The following SERPINI1 variants were observed in gnomAD, a reference collection of about 807,000 sequenced individuals.
SERPINI1 encodes serpin family I member 1.
Under a neutral mutation model 41.1 loss-of-function variants are expected in SERPINI1, and 19 were observed. The observed-to-expected ratio is 0.46, with a 90% CI of 0.32 to 0.68. SERPINI1 has a LOEUF of 0.68. SERPINI1 is among the 30% of genes least tolerant of loss of function. The pLI, the probability that SERPINI1 is intolerant of heterozygous loss-of-function variation, is 0.03. For missense variants in SERPINI1, 460 were observed against 479.2 expected (o/e 0.96, Z 0.37); for synonymous variants, 138 against 156.6 (o/e 0.88, Z 0.89).
chr3:167,756,726 G>C (rs1379190664), intron 1 of SERPINI1, among the ~76,000 whole-genome samples: 1 of 152,054 alleles, frequency 6.6e-6, no homozygotes, highest in Non-Finnish European at 1.5e-5. Context: ...TAATGACTAT[G>C]GCAGTCATGC....
rs545501185 is a variant in SERPINI1 at position 167,803,277 on chromosome 3, A to C, written c.882-3967A>C. On this transcript the variant is annotated intron_variant, in intron 5 of 8. Transcript: ENST00000446050. The stretch of plus-strand genomic sequence containing the variant: ...TGTACCCCAAAACTTAAAGTATAAT[A>C]ATAATAAAAATAAATAAATAAATAA... 6.1e-4 allele frequency among the ~76,000 whole-genome samples: 81 copies of C among 132,684 alleles called. 2 individuals are homozygous for C. In the Middle Eastern group the frequency reaches 0.011, roughly 18 times the overall value. The allele number at this position is 132,684 out of a possible 152,430, so 87.0% of individuals were successfully genotyped here. A position where few individuals can be genotyped will look rare whatever the true frequency, so the allele number is the denominator to read the frequency against.
At chr3:167,748,082 A>G (rs991525953) in intron 1 of SERPINI1, among the ~76,000 whole-genome samples, 2 of 152,068 alleles carry the variant, frequency 1.3e-5, no homozygotes, top group Non-Finnish European at 2.9e-5. Context: ...CTTAGGAACA[A>G]AAAAGTGTGA....
At chr3:167,814,385 G>A (rs758028439) in intron 6 of SERPINI1, among the ~76,000 whole-genome samples, 3 of 152,168 alleles carry the variant, frequency 2.0e-5, no homozygotes, top group Non-Finnish European at 2.9e-5. Flanking sequence ...TATTCCTATC[G>A]TAAGAGAACT....
At chr3:167,751,891 A>G (rs2108535136) in intron 1 of SERPINI1, among the ~76,000 whole-genome samples, 1 of 152,290 alleles carries the variant, frequency 6.6e-6, no homozygotes, top group African/African-American at 2.4e-5. Context: ...ATTGTGTTGT[A>G]TGAAATTAAA....
chr3:167,772,864 C>CTA (rs1161668820), intron 1 of SERPINI1, among the ~76,000 whole-genome samples: 36 of 24,628 alleles, frequency 1.5e-3, no homozygotes, highest in African/African-American at 3.2e-3. Flanking sequence ...CTCTCTCTCT[C>CTA]TATATATATA....
intron 6 of SERPINI1, among the ~76,000 whole-genome samples, chr3:167,812,533 C>T (rs1711928422): frequency 6.6e-6 from 1 of 152,186 alleles, no homozygotes; most frequent in African/African-American, 2.4e-5. Flanking sequence ...TTCCTGATAC[C>T]TTGTGCCTTT....
At chr3:167,751,676 GTCAAC>G (rs761367331) in intron 1 of SERPINI1, among the ~76,000 whole-genome samples, 17 of 152,206 alleles carry the variant, frequency 1.1e-4, no homozygotes, top group African/African-American at 2.4e-4. Context: ...TTTTCAGGCT[GTCAAC>G]TCAACTGTCA....
intron 6 of SERPINI1, among the ~76,000 whole-genome samples, chr3:167,817,453 C>T (rs970425112): frequency 6.6e-6 from 1 of 152,026 alleles, no homozygotes; most frequent in Non-Finnish European, 1.5e-5. Flanking sequence ...GTTAAAATCA[C>T]CTAGAAAACC....
intron 6 of SERPINI1, among the ~76,000 whole-genome samples, chr3:167,811,647 T>A (rs1711891056): frequency 6.6e-6 from 1 of 151,916 alleles, no homozygotes; most frequent in Admixed American, 6.6e-5. Flanking sequence ...TCTGTAGTGT[T>A]TGGAATTTTA....
chr3:167,759,378 A>G (rs1247231435), intron 1 of SERPINI1, among the ~76,000 whole-genome samples: 1 of 139,022 alleles, frequency 7.2e-6, no homozygotes, highest in African/African-American at 2.7e-5. Context: ...AGTGTCCATC[A>G]ACATTGGATA....
In SERPINI1 at chr3:167,801,190, T is replaced by C. The variant is rs1372977181; in HGVS notation, c.882-6054T>C. ...AAGGGTATGATTGGGTTTTTAATCC[T>C]TATATGTGTTATAGTCTCCTACCTA... On this transcript the variant is annotated intron_variant, in intron 5 of 8. Transcript: ENST00000446050. Among the ~76,000 whole-genome samples, 4 of 152,226 alleles carry C rather than the reference T, an allele frequency of 2.6e-5. No homozygotes were observed. The East Asian group carries it at 7.7e-4, about 29-fold the overall frequency.
intron 6 of SERPINI1, among the ~76,000 whole-genome samples, chr3:167,809,268 A>G (rs1224629854): frequency 2.0e-5 from 3 of 152,200 alleles, no homozygotes; most frequent in Non-Finnish European, 4.4e-5. Flanking sequence ...TTCTTTAGGA[A>G]TTGAGAGAAA....
chr3:167,740,308 G>A (rs1043427496), intron 1 of SERPINI1, among the ~76,000 whole-genome samples: 1 of 152,110 alleles, frequency 6.6e-6, no homozygotes, highest in Non-Finnish European at 1.5e-5. Flanking sequence ...TGGGATTACA[G>A]GTGTGAACCA....
intron 6 of SERPINI1, among the ~76,000 whole-genome samples, chr3:167,808,281 T>TTC (rs386398488): frequency 7.1e-6 from 1 of 140,454 alleles, no homozygotes; most frequent in Admixed American, 6.9e-5. Context: ...CCCTATTTTT[T>TTC]TCAGAGTAAA....
At chr3:167,789,745 T>C (rs1299105239) in intron 2 of SERPINI1, among the ~76,000 whole-genome samples, 1 of 152,198 alleles carries the variant, frequency 6.6e-6, no homozygotes, top group Admixed American at 6.5e-5. Context: ...CATGGTTTGC[T>C]AAGAATATCA....
intron 1 of SERPINI1, among the ~76,000 whole-genome samples, chr3:167,744,153 T>C (rs1395632543): frequency 2.0e-5 from 3 of 152,086 alleles, no homozygotes; most frequent in Non-Finnish European, 4.4e-5. Flanking sequence ...AAATTTTTGT[T>C]CCATAATCAT....
chr3:167,751,175 A>G (rs1238632690), intron 1 of SERPINI1, among the ~76,000 whole-genome samples: 2 of 152,104 alleles, frequency 1.3e-5, no homozygotes, highest in African/African-American at 4.8e-5. Flanking sequence ...TTAGGAAAAA[A>G]AAGATTTTCT....
chr3:167,773,564 T>C (rs1726862310), intron 1 of SERPINI1, among the ~76,000 whole-genome samples: 1 of 152,214 alleles, frequency 6.6e-6, no homozygotes, highest in Non-Finnish European at 1.5e-5. Context: ...ATAGAGCCTT[T>C]TTAAAATCTA....
At chr3:167,793,319 T>C (rs1727589978) in intron 4 of SERPINI1, among the ~76,000 whole-genome samples, 1 of 152,154 alleles carries the variant, frequency 6.6e-6, no homozygotes, top group African/African-American at 2.4e-5. Context: ...TATTGGACTC[T>C]TCAGAAGTTT....
Sources: gnomAD v4.1 joint callset for allele counts (sites outside exome capture counted in the v4.1 genomes callset) on GRCh38, gnomAD v4.1.1 for gene constraint, MANE v1.5 for transcripts, NCBI Gene and HGNC (gene_info 2026-07-23, HGNC 2026-07-21) for gene names.